The following ATM variants were observed in gnomAD, a reference collection of about 807,000 sequenced individuals.
ATM encodes ATM serine/threonine kinase, also known as serine-protein kinase ATM.
A neutral mutation model predicts 387.0 loss-of-function variants in ATM; 308 were observed. That is an observed-to-expected ratio of 0.80 (90% CI 0.73 to 0.87). The LOEUF (loss-of-function observed/expected upper bound fraction) is 0.87, where lower values mean the gene tolerates loss of function less well. ATM is among the 40% of genes least tolerant of loss of function. ATM has a pLI of 0.00. For synonymous variants in ATM, 1,156 were observed against 1,187.3 expected (o/e 0.97, Z 0.54); for missense variants, 3,312 against 3,560.9 (o/e 0.93, Z 1.78).
At chr11:108,307,746 A>C (rs1312082565) in intron 37 of ATM, 151 bp from the exon 38 acceptor site, 2 of 669,778 alleles carry the variant, frequency 3.0e-6, no homozygotes, top group African/African-American at 3.6e-5. Context: ...AAGCAAAAGA[A>C]ATCCTATTAA....
At chr11:108,273,042 T>C (rs1225920229) in intron 22 of ATM, among the ~76,000 whole-genome samples, 190 bp downstream of exon 22, 1 of 152,192 alleles carries the variant, frequency 6.6e-6, no homozygotes, top group African/African-American at 2.4e-5. Context: ...TTTCCTTCAA[T>C]TTATAAATGA....
intron 54 of ATM, among the ~76,000 whole-genome samples, chr11:108,334,527 A>G (rs1383579993): frequency 6.6e-6 from 1 of 152,006 alleles, no homozygotes; most frequent in Admixed American, 6.6e-5. Context: ...GATCATCTTA[A>G]ATACATTGTC....
intron 15 of ATM, among the ~76,000 whole-genome samples, chr11:108,257,825 T>TC (rs2080602007): frequency 1.3e-5 from 2 of 152,188 alleles, no homozygotes; most frequent in African/African-American, 4.8e-5. Flanking sequence ...AGGGAATTGA[T>TC]CACTGGTTGG....
At chr11:108,348,672 A>C (rs1249309074) in intron 59 of ATM, among the ~76,000 whole-genome samples, 1 of 152,140 alleles carries the variant, frequency 6.6e-6, no homozygotes, top group Non-Finnish European at 1.5e-5. Flanking sequence ...GCAAAAGAAC[A>C]AAAATAATTA....
chr11:108,307,817 A>C (rs2083806512), intron 37 of ATM, 80 bp from the exon 38 acceptor site: 1 of 1,281,802 alleles, frequency 7.8e-7, no homozygotes, highest in African/African-American at 1.5e-5. Flanking sequence ...GCATAGTGGG[A>C]GACAGACACA....
chr11:108,337,286 A>G (rs998166611), intron 56 of ATM, among the ~76,000 whole-genome samples: 2 of 152,202 alleles, frequency 1.3e-5, no homozygotes, highest in Admixed American at 6.5e-5. Flanking sequence ...AATTTGTGAC[A>G]TGGAACCTTC....
chr11:108,345,025 G>C (rs2088137220), intron 57 of ATM, among the ~76,000 whole-genome samples: 1 of 152,056 alleles, frequency 6.6e-6, no homozygotes, highest in African/African-American at 2.4e-5. Flanking sequence ...AAAAATGTTG[G>C]AGAAAAGGAG....
chr11:108,315,130 T>C (rs998548183), intron 40 of ATM, among the ~76,000 whole-genome samples: 2 of 152,230 alleles, frequency 1.3e-5, no homozygotes, highest in Non-Finnish European at 1.5e-5. Flanking sequence ...CATTTCTGGA[T>C]ACAATTTACT....
intron 18 of ATM, among the ~76,000 whole-genome samples, chr11:108,269,892 C>G (rs1440483924): frequency 6.6e-6 from 1 of 152,216 alleles, no homozygotes; most frequent in Admixed American, 6.5e-5. Flanking sequence ...CGCAGATACT[C>G]AAGTCTCTAT....
rs374431061 is a variant in ATM at position 108,293,366 on chromosome 11, C to T, written c.4665C>T (p.Leu1555=). 128 of 1,596,082 alleles carry T rather than the reference C, an allele frequency of 8.0e-5. No homozygotes were observed. Among genetic ancestry groups the T allele is most frequent in the Non-Finnish European group, 1.0e-4 (121 of 1,164,336 alleles). ...LVIDNKDNEN[L]YITIKLLDPF... ...TAGATAACAAGGATAATGAAAACCT[C>T]TATATCACGATTAAGCTTTTAGATC... Residue 1555 remains leucine (L), a synonymous_variant, in exon 31 of 63, where the codon CTC becomes CTT. Transcript: ENST00000675843.
chr11:108,231,806 G>A (rs2135073101), intron 4 of ATM, among the ~76,000 whole-genome samples: 1 of 151,150 alleles, frequency 6.6e-6, no homozygotes, highest in Non-Finnish European at 1.5e-5. Flanking sequence ...TATGAGACTT[G>A]AGTCCAAAGA....
intron 49 of ATM, 119 bp from the exon 50 acceptor site, chr11:108,330,095 G>T: frequency 9.7e-7 from 1 of 1,030,968 alleles, no homozygotes; most frequent in Non-Finnish European, 1.5e-6. Flanking sequence ...TTAGAAGTTT[G>T]CTTTTTTCCC....
intron 54 of ATM, among the ~76,000 whole-genome samples, chr11:108,334,476 G>C (rs927734981): frequency 6.6e-6 from 1 of 152,132 alleles, no homozygotes; most frequent in East Asian, 1.9e-4. Flanking sequence ...AATTTCATGT[G>C]GGCAGGGATA....
intron 43 of ATM, among the ~76,000 whole-genome samples, chr11:108,319,332 C>T (rs1291675525): frequency 6.6e-6 from 1 of 152,168 alleles, no homozygotes; most frequent in Admixed American, 6.5e-5. Context: ...TCTCCTTCCT[C>T]TTGTATTTCA....
chr11:108,279,513 G>C lies in ATM; in HGVS notation c.3307G>C (p.Asp1103His), dbSNP rs1555090114. The C allele has an allele frequency of 2.5e-6, 4 of 1,612,496 alleles. No homozygotes were observed. The highest frequency in any genetic ancestry group is 1.7e-5 in the Admixed American group (1 of 59,882). Residue 1103 changes from aspartate to histidine, a missense_variant, in exon 23 of 63, where the codon GAT becomes CAT. Around this residue, in one of 4 missense-constraint regions of ATM, gnomAD observed 1,791 missense variants for 1,804.5 expected, o/e 0.99. Coordinates refer to ENST00000675843, the MANE Select transcript of ATM (RefSeq NM_000051.4). ...AAGATTGTTCCAGGACACGAAGGGA[G>C]ATTCTTCCAGGTTACTGAAAGCACT... is the stretch of plus-strand genomic sequence containing the variant. ...INRLFQDTKG[D>H]SSRLLKALPL...
At chr11:108,267,104 T>C (rs1366232977) in intron 16 of ATM, 67 bp from the exon 17 acceptor site, 10 of 1,529,590 alleles carry the variant, frequency 6.5e-6, no homozygotes, top group Non-Finnish European at 9.0e-6. Flanking sequence ...CCTGATTAGG[T>C]AAATTTTGAC....
At chr11:108,248,309 TA>T (rs1405809636) in intron 8 of ATM, among the ~76,000 whole-genome samples, 2 of 152,194 alleles carry the variant, frequency 1.3e-5, no homozygotes, top group Non-Finnish European at 2.9e-5. Flanking sequence ...TAAAATTTCT[TA>T]AATTTAAAAA....
At chr11:108,300,378 T>C (rs910258197) in intron 34 of ATM, among the ~76,000 whole-genome samples, 2 of 152,198 alleles carry the variant, frequency 1.3e-5, no homozygotes, top group Non-Finnish European at 2.9e-5. Context: ...GCACCACATA[T>C]CAAAATTTCA....
chr11:108,233,296 A>G (rs2079110969), intron 4 of ATM, among the ~76,000 whole-genome samples: 1 of 152,226 alleles, frequency 6.6e-6, no homozygotes, highest in Non-Finnish European at 1.5e-5. Flanking sequence ...GGCTGGGCAC[A>G]GTGGCTCATG....
Sources: gnomAD v4.1 joint callset for allele counts (sites outside exome capture counted in the v4.1 genomes callset) on GRCh38, gnomAD v4.1.1 for gene constraint, gnomAD v4.1.1 regional missense constraint, MANE v1.5 for transcripts, NCBI Gene and HGNC (gene_info 2026-07-23, HGNC 2026-07-21) for gene names.